Variants in DHX8 observed in about 807,000 individuals in gnomAD.
DHX8 encodes DEAH-box helicase 8, also known as ATP-dependent RNA helicase DHX8.
In DHX8, 67 loss-of-function variants were observed where a neutral mutation model predicts 140.7. The ratio of observed to expected loss-of-function variants is 0.48; its 90% CI spans 0.39 to 0.58. The LOEUF is 0.58. Ranked by LOEUF, DHX8 falls within the 20% of genes least tolerant of loss-of-function variation. The pLI is 0.00. For missense variants in DHX8, 887 were observed against 1,550.7 expected (o/e 0.57, Z 7.19); for synonymous variants, 533 against 553.2 (o/e 0.96, Z 0.51).
In DHX8 at chr17:43,522,747, C is replaced by CAAAAAAAAAAAAAAAAAAAA. The variant is rs773301589; in HGVS notation, c.3443+523_3443+542dup. ...GGGCAACAAGAGCGAAACTCCATCT[C>CAAAAAAAAAAAAAAAAAAAA]AAAAAAAAAAAAAAAAAAAAACCAA... is the stretch of plus-strand genomic sequence containing the variant. On this transcript the variant is annotated intron_variant, in intron 22 of 22. Coordinates refer to ENST00000262415, the MANE Select transcript of DHX8 (RefSeq NM_004941.3). 4.8e-5 allele frequency among the ~76,000 whole-genome samples: 2 copies of CAAAAAAAAAAAAAAAAAAAA among 41,360 alleles called. 1 individual carries two copies. Among genetic ancestry groups the CAAAAAAAAAAAAAAAAAAAA allele is most frequent in the Non-Finnish European group, 9.5e-5 (2 of 21,094 alleles). 27.1% of individuals were successfully genotyped at this position (41,360 alleles called of 152,430 possible). A position where few individuals can be genotyped will look rare whatever the true frequency, so the allele number is the denominator to read the frequency against.
In DHX8 at chr17:43,496,215, T is replaced by A. The variant is rs754876091; in HGVS notation, c.1247T>A (p.Phe416Tyr). 1.2e-6 allele frequency: 2 copies of A among 1,613,920 alleles called. No individual in the cohort carries two copies. The highest frequency in any genetic ancestry group is 2.7e-5 in the African/African-American group (2 of 74,940). Residue 416 changes from phenylalanine (F) to tyrosine (Y), a missense_variant, in exon 9 of 23, where the codon TTT becomes TAT. Transcript: ENST00000262415. ...GCCAATGTCCTTTCCAAAGAAGAATTTCCAGACTTTGATGAAGAGACTGGC... is the reference window on the plus strand; with the variant it reads ...GCCAATGTCCTTTCCAAAGAAGAATATCCAGACTTTGATGAAGAGACTGGC... Reference protein sequence around the residue: ...IAANVLSKEEFPDFDEETGIL... With the variant: ...IAANVLSKEEYPDFDEETGIL...
In DHX8 at chr17:43,492,873, C is replaced by T. The variant is rs1477260230; in HGVS notation, c.696C>T (p.Pro232=). The part of the protein sequence containing the change: ...YRSRSRSQSP[P]KDRKDRDKYG... ...CCAGGAGCAGGAGTCAGAGTCCCCC[C>T]AAAGACCGGAAGGACCGGGACAAAT... The change falls in exon 6 of 23, where the codon CCC becomes CCT. Residue 232 remains proline, a synonymous_variant. Coordinates refer to ENST00000262415, the MANE Select transcript of DHX8 (RefSeq NM_004941.3). 2 of 1,614,204 alleles carry T rather than the reference C, an allele frequency of 1.2e-6. No individual in the cohort carries two copies. Among genetic ancestry groups the T allele is most frequent in the South Asian group, 2.2e-5 (2 of 91,082 alleles).
At chr17:43,489,615 G>A in intron 2 of DHX8, 81 bp downstream of exon 2, 3 of 1,119,240 alleles carry the variant, frequency 2.7e-6, no homozygotes, top group Non-Finnish European at 3.9e-6. Context: ...TTTTGAGACA[G>A]AGTTTTGCTC....
intron 2 of DHX8, chr17:43,533,388 G>C: frequency 6.3e-7 from 1 of 1,579,594 alleles, no homozygotes; most frequent in Non-Finnish European, 8.7e-7. Flanking sequence ...GGGCAGAGAA[G>C]CTGGAAAGCA....
At chr17:43,509,841 G>C (rs1434315185) in intron 16 of DHX8, among the ~76,000 whole-genome samples, 1 of 151,516 alleles carries the variant, frequency 6.6e-6, no homozygotes, top group African/African-American at 2.4e-5. Context: ...GCTTATTTTT[G>C]TATTTTTAGT....
At chr17:43,502,513 C>T (rs755480233) in intron 11 of DHX8, among the ~76,000 whole-genome samples, 6 of 152,156 alleles carry the variant, frequency 3.9e-5, no homozygotes, top group Admixed American at 2.6e-4. Flanking sequence ...CAACCTCTGC[C>T]TCCTGGGTTC....
intron 18 of DHX8, chr17:43,519,427 A>C (rs1970264979): frequency 6.6e-6 from 1 of 151,674 alleles, no homozygotes; most frequent in African/African-American, 2.4e-5. Flanking sequence ...AGAAATGTCT[A>C]TTCAAGCTCT....
intron 11 of DHX8, among the ~76,000 whole-genome samples, chr17:43,503,681 T>G (rs1285885584): frequency 2.7e-5 from 4 of 149,258 alleles, no homozygotes; most frequent in Admixed American, 1.3e-4. Flanking sequence ...AAGAAAAAAA[T>G]TAATCTGAGA....
chr17:43,536,234 T>TCA, intron 2 of DHX8: 3 of 642,860 alleles, frequency 4.7e-6, no homozygotes, highest in Non-Finnish European at 8.4e-6. Context: ...TGCTCTAAGG[T>TCA]CACACAGCAA....
chr17:43,517,331 C>A lies in DHX8; in HGVS notation c.2799+9C>A. ...CAGTGCTGTCACTCAAGGTAGAAAT[C>A]ACTGTCTTGTTAAAATGGGTTGGTG... On this transcript the variant is annotated intron_variant, in intron 18 of 22. Transcript: ENST00000262415. 2 of 1,612,520 alleles carry A rather than the reference C, an allele frequency of 1.2e-6. No homozygotes were observed. The highest frequency in any genetic ancestry group is 1.7e-6 in the Non-Finnish European group (2 of 1,179,344).
intron 10 of DHX8, 84 bp from the exon 11 acceptor site, chr17:43,499,872 C>T (rs746391692): frequency 1.6e-5 from 23 of 1,450,098 alleles, no homozygotes; most frequent in Non-Finnish European, 2.2e-5. Flanking sequence ...GATGTAGTCT[C>T]ATGTTTTAGA....
At chr17:43,513,684 CTGAT>C (rs1040177081) in intron 17 of DHX8, among the ~76,000 whole-genome samples, 182 bp downstream of exon 17, 1 of 140,722 alleles carries the variant, frequency 7.1e-6, no homozygotes, top group Non-Finnish European at 1.6e-5. Context: ...TCCCTGAAGT[CTGAT>C]TGATCCTTGA....
intron 3 of DHX8, among the ~76,000 whole-genome samples, chr17:43,543,526 AG>A (rs1732580356): frequency 6.6e-6 from 1 of 152,128 alleles, no homozygotes. Context: ...CTCAGCTGAC[AG>A]GCAAGGAATG....
chr17:43,518,206 GTTA>G (rs1280564077), intron 18 of DHX8: 12 of 152,228 alleles, frequency 7.9e-5, no homozygotes, highest in African/African-American at 2.4e-4. Flanking sequence ...ATTCATCATA[GTTA>G]TTATTCACAC....
At chr17:43,523,367 A>G (rs1567700402) in intron 22 of DHX8, among the ~76,000 whole-genome samples, 1 of 152,218 alleles carries the variant, frequency 6.6e-6, no homozygotes, top group Non-Finnish European at 1.5e-5. Context: ...AAGGGATGTG[A>G]TTGGCTCCAT....
intron 18 of DHX8, 123 bp from the exon 19 acceptor site, chr17:43,520,007 C>T: frequency 9.4e-7 from 1 of 1,064,612 alleles, no homozygotes; most frequent in Non-Finnish European, 1.4e-6. Context: ...TACCGCCAGT[C>T]TCACCGGTGG....
chr17:43,517,072 C>T (rs530942629), intron 17 of DHX8, 95 bp from the exon 18 acceptor site: 25 of 1,322,814 alleles, frequency 1.9e-5, no homozygotes, highest in Non-Finnish European at 2.5e-5. Flanking sequence ...CTGATTTTGC[C>T]AGTTGTTAAT....
intron 17 of DHX8, among the ~76,000 whole-genome samples, chr17:43,514,184 A>AT (rs574628984): frequency 8.2e-5 from 11 of 134,378 alleles, no homozygotes; most frequent in Non-Finnish European, 9.4e-5. Flanking sequence ...ACTATAAAAA[A>AT]TTTAAAAAAA....
downstream of DHX8, chr17:43,528,556 G>A: frequency 6.2e-7 from 1 of 1,613,214 alleles, no homozygotes; most frequent in Non-Finnish European, 8.5e-7. Context: ...AAATGGCTGG[G>A]CGGGGCCAGC....
Sources: allele counts gnomAD v4.1 joint callset (sites outside exome capture counted in the v4.1 genomes callset), GRCh38; gene constraint gnomAD v4.1.1; transcripts MANE v1.5; gene names NCBI Gene and HGNC (gene_info 2026-07-23, HGNC 2026-07-21).